Variants in FANCL observed in about 807,000 individuals in gnomAD.
FANCL encodes the protein E3 ubiquitin-protein ligase FANCL.
FANCL carries 69 observed loss-of-function variants against 59.4 expected under a neutral mutation model. The observed-to-expected ratio is 1.16, with a 90% CI of 0.96 to 1.42. FANCL has a LOEUF of 1.42. FANCL is among the 40% of genes most tolerant of loss of function. The pLI is 0.00. For missense variants in FANCL, 519 were observed against 447.2 expected (o/e 1.16, Z -1.45); for synonymous variants, 180 against 147.1 (o/e 1.22, Z -1.62).
chr2:58,238,585 C>A (rs559810347), intron 1 of FANCL, among the ~76,000 whole-genome samples: 10 of 152,108 alleles, frequency 6.6e-5, no homozygotes, highest in Admixed American at 5.9e-4. Flanking sequence ...AAAGCTCACT[C>A]AAAAGGAAAG....
rs369048526 is a variant in FANCL at position 58,226,788 on chromosome 2, G to T, written c.217-4C>A. Reference sequence around the variant, plus strand: ...GATCAGGAGAGTGCTGCATTCTCTAGATCAAAATATTTCCAATTAATTTCA... The same window carrying T: ...GATCAGGAGAGTGCTGCATTCTCTATATCAAAATATTTCCAATTAATTTCA... On this transcript the variant is annotated splice_polypyrimidine_tract_variant and splice_region_variant and intron_variant, in intron 3 of 13. Transcript: ENST00000233741. The T allele has an allele frequency of 1.7e-5, 27 of 1,610,272 alleles. No homozygotes were observed. The African/African-American group carries it at 3.1e-4, about 18-fold the overall frequency.
chr2:58,169,562 T>G (rs528641328), intron 7 of FANCL, among the ~76,000 whole-genome samples: 1 of 151,908 alleles, frequency 6.6e-6, no homozygotes, highest in Non-Finnish European at 1.5e-5. Flanking sequence ...TTTGACAAAC[T>G]GACAGAAGTA....
At chr2:58,197,050 T>G (rs1468344505) in intron 7 of FANCL, among the ~76,000 whole-genome samples, 1 of 151,760 alleles carries the variant, frequency 6.6e-6, no homozygotes, top group African/African-American at 2.4e-5. Flanking sequence ...ATCAACATAG[T>G]ATTTTACTTA....
rs536580160 is a variant in FANCL at position 58,211,793 on chromosome 2, A to AT, written c.375-7568dup. Among the ~76,000 whole-genome samples the AT allele has an allele frequency of 9.7e-4, 147 of 152,308 alleles. 1 individual carries two copies. The South Asian group carries it at 0.029, about 30-fold the overall frequency. On this transcript the variant is annotated intron_variant, in intron 5 of 13. Coordinates refer to ENST00000233741, the MANE Select transcript of FANCL (RefSeq NM_018062.4). ...ATACCACCAGCCTCTTTGCTAAAAC[A>AT]TAACAAGAGTAACCTTTGCTCCAGT...
intron 7 of FANCL, among the ~76,000 whole-genome samples, chr2:58,177,437 A>G (rs1687451478): frequency 6.6e-6 from 1 of 152,112 alleles, no homozygotes; most frequent in Non-Finnish European, 1.5e-5. Context: ...TACACCATGG[A>G]ATACTATGCA....
At chr2:58,204,087 A>G (rs754804945) in intron 6 of FANCL, 43 bp downstream of exon 6, 64 of 1,449,846 alleles carry the variant, frequency 4.4e-5, no homozygotes, top group Non-Finnish European at 6.1e-5. Context: ...TTCATTTCAC[A>G]AAGTATTTTC....
chr2:58,224,746 TAAC>T (rs1372103246), intron 4 of FANCL, among the ~76,000 whole-genome samples: 1 of 151,716 alleles, frequency 6.6e-6, no homozygotes, highest in Non-Finnish European at 1.5e-5. Context: ...AAGTAGAACA[TAAC>T]AAAAAACCAT....
chr2:58,217,232 ACACAC>A (rs1189951097), intron 5 of FANCL, among the ~76,000 whole-genome samples: 1 of 119,488 alleles, frequency 8.4e-6, no homozygotes, highest in Non-Finnish European at 1.7e-5. Flanking sequence ...ACACACACAC[ACACAC>A]ACACACATAT....
intron 7 of FANCL, among the ~76,000 whole-genome samples, chr2:58,180,544 C>A (rs1489717666): frequency 6.6e-6 from 1 of 151,864 alleles, no homozygotes. Context: ...ATATCACACA[C>A]CAGGGCCTGT....
intron 7 of FANCL, among the ~76,000 whole-genome samples, chr2:58,188,997 C>T (rs772798007): frequency 2.0e-5 from 3 of 152,106 alleles, no homozygotes; most frequent in Non-Finnish European, 4.4e-5. Flanking sequence ...GGAAAAAAGA[C>T]TGGCACAGAA....
chr2:58,217,718 A>G (rs1449998729), intron 5 of FANCL, among the ~76,000 whole-genome samples: 1 of 152,050 alleles, frequency 6.6e-6, no homozygotes, highest in African/African-American at 2.4e-5. Flanking sequence ...AGGAACAAAA[A>G]CAATTCCAAA....
At chr2:58,173,192 A>G (rs1434328573) in intron 7 of FANCL, among the ~76,000 whole-genome samples, 1 of 152,222 alleles carries the variant, frequency 6.6e-6, no homozygotes. Context: ...AGGACAATGG[A>G]ACCAAGTTGG....
intron 7 of FANCL, among the ~76,000 whole-genome samples, chr2:58,176,675 C>T (rs1487544030): frequency 6.6e-6 from 1 of 152,060 alleles, no homozygotes; most frequent in African/African-American, 2.4e-5. Flanking sequence ...ACCATAAAAA[C>T]CCTAGAAGAA....
intron 5 of FANCL, among the ~76,000 whole-genome samples, chr2:58,221,182 G>A (rs978352938): frequency 7.9e-5 from 12 of 151,184 alleles, no homozygotes; most frequent in Admixed American, 2.6e-4. Flanking sequence ...AGCGAGACTC[G>A]GTCTCAAAAA....
Position 58,201,119 on chromosome 2 carries a change from C to A in FANCL, c.472-2457G>T, listed in dbSNP as rs1026232504. ...TTCTGAATTATAATAGTATTAACTA[C>A]AGTGTAGATGACTAAATACAATATA... On this transcript the variant is annotated intron_variant, in intron 6 of 13. Coordinates refer to ENST00000233741, the MANE Select transcript of FANCL (RefSeq NM_018062.4). Among the ~76,000 whole-genome samples, 3 of 150,138 alleles carry A rather than the reference C, an allele frequency of 2.0e-5. No individual in the cohort carries two copies. In the South Asian group the frequency reaches 6.4e-4, roughly 32 times the overall value.
chr2:58,181,357 T>C (rs1293294818), intron 7 of FANCL, among the ~76,000 whole-genome samples: 1 of 152,042 alleles, frequency 6.6e-6, no homozygotes, highest in Non-Finnish European at 1.5e-5. Context: ...AACTAAGCTT[T>C]GGTGGAAAAC....
At chr2:58,217,390 C>G (rs922702885) in intron 5 of FANCL, among the ~76,000 whole-genome samples, 3 of 150,350 alleles carry the variant, frequency 2.0e-5, no homozygotes, top group African/African-American at 7.3e-5. Context: ...TATTCCTTGC[C>G]TCTTCCAGTT....
At chr2:58,186,434 A>C (rs148788519) in intron 7 of FANCL, among the ~76,000 whole-genome samples, 1 of 152,326 alleles carries the variant, frequency 6.6e-6, no homozygotes, top group Non-Finnish European at 1.5e-5. Context: ...GGGAAAATTT[A>C]TTGGAAGTGA....
At chr2:58,199,187 G>T (rs1174143384) in intron 6 of FANCL, among the ~76,000 whole-genome samples, 1 of 152,156 alleles carries the variant, frequency 6.6e-6, no homozygotes, top group African/African-American at 2.4e-5. Context: ...TGATTTGGAA[G>T]TGCCAAAGCA....
Sources: gnomAD v4.1 joint callset for allele counts (sites outside exome capture counted in the v4.1 genomes callset) on GRCh38, gnomAD v4.1.1 for gene constraint, MANE v1.5 for transcripts, NCBI Gene and HGNC (gene_info 2026-07-23, HGNC 2026-07-21) for gene names.